The following ATM variants were observed in gnomAD, a reference collection of about 807,000 sequenced individuals.
ATM encodes the protein serine-protein kinase ATM.
Under a neutral mutation model 387.0 loss-of-function variants are expected in ATM, and 308 were observed. The observed-to-expected ratio is 0.80, with a 90% CI of 0.73 to 0.87. ATM has a LOEUF of 0.87. ATM is among the 40% of genes least tolerant of loss of function. The pLI is 0.00. For synonymous variants in ATM, 1,156 were observed against 1,187.3 expected, an observed-to-expected ratio of 0.97 and a Z score of 0.54; for missense variants, 3,312 against 3,560.9, an observed-to-expected ratio of 0.93 and a Z score of 1.78.
chr11:108,271,066 T>C lies in ATM; in HGVS notation c.2841T>C (p.Tyr947=), dbSNP rs1167845678. The C allele has an allele frequency of 6.2e-7, 1 of 1,613,534 alleles. No homozygotes were observed. The highest frequency in any genetic ancestry group is 2.2e-5 in the East Asian group (1 of 44,868). ...TTTTTTCCCTCCTACCATCTTAGTATCTAATGCTTTTAAAGGAGCTTCCTG... is the reference window on the plus strand; with the variant it reads ...TTTTTTCCCTCCTACCATCTTAGTACCTAATGCTTTTAAAGGAGCTTCCTG... The part of the protein sequence containing the change: ...EPTKSLHLHM[Y]LMLLKELPGE... Residue 947 remains tyrosine, a splice_region_variant and synonymous_variant, in exon 19 of 63, where the codon TAT becomes TAC. Coordinates refer to ENST00000675843, the MANE Select transcript of ATM (RefSeq NM_000051.4).
chr11:108,341,582 A>G (rs2087586741), intron 56 of ATM, among the ~76,000 whole-genome samples: 1 of 152,318 alleles, frequency 6.6e-6, no homozygotes, highest in African/African-American at 2.4e-5. Flanking sequence ...AAACAGTTCA[A>G]CATATGTGAG....
At position 108,249,075 on chromosome 11, in the gene ATM, C is replaced by T. The variant is rs747563556; in HGVS notation, c.1208C>T (p.Ser403Leu). ...WEVIKDHLQK[S>L]QNDFDLVPWL... ...GTAATAAAAGATCACCTTCAGAAGT[C>T]ACAGAATGATTTTGATCTTGTGCCT... is the stretch of plus-strand genomic sequence containing the variant. Residue 403 changes from serine to leucine, a missense_variant, in exon 9 of 63, where the codon TCA becomes TTA. By Grantham distance (145) the Ser-to-Leu change is moderately radical. Coordinates refer to ENST00000675843, the MANE Select transcript of ATM (RefSeq NM_000051.4). The T allele has an allele frequency of 1.9e-6, 3 of 1,613,930 alleles. No individual in the cohort carries two copies. In the East Asian group the frequency reaches 6.7e-5, roughly 36 times the overall value.
At chr11:108,347,039 G>A (rs926720190) in intron 58 of ATM, among the ~76,000 whole-genome samples, 4 of 152,070 alleles carry the variant, frequency 2.6e-5, no homozygotes, top group Admixed American at 6.5e-5. Context: ...GTGCCTATTA[G>A]TAAAGAGAAA....
chr11:108,345,626 A>G lies in ATM; in HGVS notation c.8419-117A>G, dbSNP rs1004898515. ...CCAGACTGTTAGCTTCTTGTAGGTA[A>G]TGTATCCTGTTCATCTTTATTGCCC... On this transcript the variant is annotated intron_variant, in intron 57 of 62. Transcript: ENST00000675843. 3.8e-6 allele frequency: 3 copies of G among 799,088 alleles called. No homozygotes were observed. The African/African-American group carries it at 5.2e-5, about 14-fold the overall frequency. The allele number at this position is 799,088 out of a possible 1,614,324, so 49.5% of individuals were successfully genotyped here. A position where few individuals can be genotyped will look rare whatever the true frequency, so the allele number is the denominator to read the frequency against.
intron 27 of ATM, 22 bp from the exon 28 acceptor site, chr11:108,288,955 T>C: frequency 6.2e-7 from 1 of 1,613,300 alleles, no homozygotes; most frequent in Non-Finnish European, 8.5e-7. Context: ...GATGACTGTA[T>C]TTTTTCCCTT....
chr11:108,270,963 G>C, intron 18 of ATM, 101 bp from the exon 19 acceptor site: 1 of 932,278 alleles, frequency 1.1e-6, no homozygotes, highest in Admixed American at 2.0e-5. Context: ...CAAAGTGCTG[G>C]GATTACAGGT....
rs2091370817 is a variant in ATM, at chr11:108,367,116, T to G, written c.*1608T>G. ...AATTCTCCTGCCTCAGCCTCCCGAG[T>G]AGCTGGGACTACAGGCGTGTGCCAA... On this transcript the variant is annotated 3_prime_UTR_variant, in exon 63 of 63. Transcript: ENST00000675843. The G allele has an allele frequency of 1.7e-5, 3 of 178,998 alleles. No homozygotes were observed. The highest frequency in any genetic ancestry group is 3.6e-5 in the Non-Finnish European group (3 of 83,628). 11.1% of individuals were successfully genotyped at this position (178,998 alleles called of 1,614,324 possible).
At chr11:108,225,313 G>T (rs1274613669) in intron 1 of ATM, 1 of 152,136 alleles carries the variant, frequency 6.6e-6, no homozygotes, top group Non-Finnish European at 1.5e-5. Context: ...ATAATCAAAT[G>T]AAAAGAACTC....
chr11:108,291,088 T>G (rs2082767313), intron 29 of ATM, among the ~76,000 whole-genome samples: 1 of 151,936 alleles, frequency 6.6e-6, no homozygotes, highest in Middle Eastern at 3.4e-3. Flanking sequence ...ACAAAAAAAT[T>G]AGCCAGGTGT....
At chr11:108,272,936 A>G (rs751280467) in intron 22 of ATM, 84 bp downstream of exon 22, 349 of 1,542,336 alleles carry the variant, frequency 2.3e-4, no homozygotes, top group Non-Finnish European at 3.0e-4. Flanking sequence ...CACAGTTGCA[A>G]TATTAAAAAT....
At position 108,321,351 on chromosome 11, in the gene ATM, C is replaced by T. The variant is rs200431631; in HGVS notation, c.6503C>T (p.Ser2168Leu). ...MCKRSLESVY[S>L]LYPTLSRLQA... ...AAGCGCAGCCTTGAGTCTGTGTATT[C>T]GCTCTATCCCACACTTAGCAGGTTG... The change falls in exon 45 of 63, where the codon TCG (serine) becomes TTG (leucine). Residue 2168 changes from serine (S) to leucine (L), a missense_variant. Ser to Leu is a moderately radical substitution (Grantham distance 145). Around this residue, in one of 4 missense-constraint regions of ATM, gnomAD observed 1,405 missense variants for 1,604.4 expected, o/e 0.88. Coordinates refer to ENST00000675843, the MANE Select transcript of ATM (RefSeq NM_000051.4). 59 of 1,614,086 alleles carry T rather than the reference C, an allele frequency of 3.7e-5. No individual in the cohort carries two copies. In the East Asian group the frequency reaches 6.5e-4, roughly 18 times the overall value.
intron 7 of ATM, among the ~76,000 whole-genome samples, chr11:108,245,655 G>T (rs2079811164): frequency 6.6e-6 from 1 of 151,956 alleles, no homozygotes; most frequent in African/African-American, 2.4e-5. Context: ...CTGTAGTTAG[G>T]AACTTTATTG....
intron 61 of ATM, among the ~76,000 whole-genome samples, chr11:108,364,629 A>G (rs546252658): frequency 6.6e-6 from 1 of 152,310 alleles, no homozygotes; most frequent in South Asian, 2.1e-4. Flanking sequence ...GTTACTGATA[A>G]AACTATTGGA....
intron 15 of ATM, among the ~76,000 whole-genome samples, chr11:108,257,956 C>T (rs929644328): frequency 4.6e-5 from 7 of 151,954 alleles, no homozygotes; most frequent in South Asian, 4.2e-4. Flanking sequence ...CCAGCAGCCT[C>T]GACCTCCTGG....
At chr11:108,363,589 G>C (rs1330843294) in intron 61 of ATM, among the ~76,000 whole-genome samples, 1 of 152,140 alleles carries the variant, frequency 6.6e-6, no homozygotes, top group African/African-American at 2.4e-5. Context: ...AGAGGCCAGG[G>C]ATGCTGCTGA....
intron 61 of ATM, chr11:108,355,110 C>G (rs55647629): frequency 5.5e-5 from 29 of 524,376 alleles, no homozygotes; most frequent in Non-Finnish European, 3.8e-5. Context: ...TAAGTAGTCT[C>G]TAGTTTTCAA....
Position 108,272,859 on chromosome 11 carries a change from G to A in ATM, c.3284+7G>A, listed in dbSNP as rs371629629. On this transcript the variant is annotated splice_region_variant and intron_variant, in intron 22 of 62. Transcript: ENST00000675843. The stretch of plus-strand genomic sequence containing the variant: ...CTGCAGAGTCAATCAATAGGTAATG[G>A]GTCAAATATTCATGAAGTATTTGGA... 1 of 1,613,890 alleles carries A rather than the reference G, an allele frequency of 6.2e-7. No individual in the cohort carries two copies. The highest frequency in any genetic ancestry group is 2.2e-5 in the East Asian group (1 of 44,848).
At chr11:108,321,450 A>G (rs369893096) in intron 45 of ATM, 30 bp downstream of exon 45, 15 of 1,613,596 alleles carry the variant, frequency 9.3e-6, no homozygotes, top group Non-Finnish European at 1.3e-5. Context: ...TTGTTATCCT[A>G]AAGTGCAGCT....
intron 20 of ATM, among the ~76,000 whole-genome samples, chr11:108,271,896 C>T (rs113151979): frequency 3.9e-5 from 6 of 152,142 alleles, no homozygotes; most frequent in African/African-American, 9.7e-5. Flanking sequence ...GATGGAGTCT[C>T]ACTCCATCAC....
Sources: gnomAD v4.1 joint callset for allele counts (sites outside exome capture counted in the v4.1 genomes callset) on GRCh38, gnomAD v4.1.1 for gene constraint, gnomAD v4.1.1 regional missense constraint, MANE v1.5 for transcripts, NCBI Gene and HGNC (gene_info 2026-07-23, HGNC 2026-07-21) for gene names.